Variants in ELAPOR2 observed in about 807,000 individuals in gnomAD.
The protein encoded by ELAPOR2 is endosome/lysosome-associated apoptosis and autophagy regulator family member 2.
A neutral mutation model predicts 120.7 loss-of-function variants in ELAPOR2; 89 were observed. That is an observed-to-expected ratio of 0.74 (90% CI 0.62 to 0.88). ELAPOR2 has a LOEUF of 0.88. ELAPOR2 is among the 40% of genes least tolerant of loss of function. ELAPOR2 has a pLI of 0.00. For synonymous variants in ELAPOR2, 444 were observed against 444.9 expected, an observed-to-expected ratio of 1.00 and a Z score of 0.03; for missense variants, 1,134 against 1,251.6, an observed-to-expected ratio of 0.91 and a Z score of 1.42.
intron 1 of ELAPOR2, among the ~76,000 whole-genome samples, chr7:87,058,886 C>T (rs913241628): frequency 6.6e-6 from 1 of 152,020 alleles, no homozygotes; most frequent in African/African-American, 2.4e-5. Flanking sequence ...TTTGCAGAGA[C>T]AGGGGAGTGG....
At chr7:86,987,517 C>T (rs1487965890) in intron 1 of ELAPOR2, among the ~76,000 whole-genome samples, 2 of 152,086 alleles carry the variant, frequency 1.3e-5, no homozygotes, top group South Asian at 2.1e-4. Flanking sequence ...ACAAACAACC[C>T]TATCGAAAAG....
chr7:87,043,304 A>G (rs990491894), intron 1 of ELAPOR2, among the ~76,000 whole-genome samples: 2 of 151,494 alleles, frequency 1.3e-5, no homozygotes, highest in Non-Finnish European at 2.9e-5. Context: ...CAGAGACACA[A>G]CAAAAAAAGA....
chr7:86,996,548 C>T (rs938485573), intron 1 of ELAPOR2, among the ~76,000 whole-genome samples: 2 of 152,110 alleles, frequency 1.3e-5, no homozygotes, highest in African/African-American at 2.4e-5. Flanking sequence ...TATCTTAAAA[C>T]GGAGATTGGA....
intron 10 of ELAPOR2, among the ~76,000 whole-genome samples, chr7:86,923,716 T>C (rs901220485): frequency 6.6e-6 from 1 of 152,114 alleles, no homozygotes; most frequent in African/African-American, 2.4e-5. Context: ...AATGATTGCA[T>C]AATATTTCAT....
At chr7:86,941,312 G>A (rs771600858) in intron 5 of ELAPOR2, 16 of 531,322 alleles carry the variant, frequency 3.0e-5, no homozygotes, top group Non-Finnish European at 1.5e-5. Context: ...ACTCCAAAGA[G>A]ATGGTGCCTC....
chr7:87,047,314 A>G (rs1006082999), intron 1 of ELAPOR2, among the ~76,000 whole-genome samples: 8 of 152,252 alleles, frequency 5.3e-5, no homozygotes, highest in Non-Finnish European at 1.0e-4. Flanking sequence ...AGCACAGACA[A>G]CCAAAGCAAA....
chr7:86,976,381 A>G (rs1277527779), intron 1 of ELAPOR2, among the ~76,000 whole-genome samples: 1 of 152,214 alleles, frequency 6.6e-6, no homozygotes, highest in Non-Finnish European at 1.5e-5. Flanking sequence ...TAGAGAAGAT[A>G]ATCCTCTGGT....
chr7:86,917,773 A>C (rs1406240349), intron 12 of ELAPOR2, among the ~76,000 whole-genome samples: 3 of 152,060 alleles, frequency 2.0e-5, no homozygotes, highest in African/African-American at 2.4e-5. Flanking sequence ...AAAACTGTTA[A>C]TAAACTGTTA....
At chr7:86,948,452 A>G (rs546124219) in intron 2 of ELAPOR2, among the ~76,000 whole-genome samples, 7 of 152,326 alleles carry the variant, frequency 4.6e-5, no homozygotes, top group African/African-American at 1.4e-4. Context: ...AACAAGGATC[A>G]TTATTTTTGG....
intron 13 of ELAPOR2, among the ~76,000 whole-genome samples, chr7:86,914,331 A>G (rs79317921): frequency 0.037 from 5,677 of 152,232 alleles, 362 homozygotes; most frequent in African/African-American, 0.13. Context: ...AAAAAATAAA[A>G]TGACACTAGT....
At chr7:86,919,183 G>C in intron 11 of ELAPOR2, 37 bp downstream of exon 11, 1 of 1,414,066 alleles carries the variant, frequency 7.1e-7, no homozygotes, top group Middle Eastern at 1.8e-4. Flanking sequence ...CAGGTGTAAG[G>C]ATTCTTACAG....
chr7:87,010,197 A>G (rs1198340503), intron 1 of ELAPOR2, among the ~76,000 whole-genome samples: 3 of 152,208 alleles, frequency 2.0e-5, no homozygotes, highest in African/African-American at 7.2e-5. Context: ...GAGAAAAACT[A>G]AAAGCAAAAT....
rs554539305 is a variant in ELAPOR2 at position 86,938,844 on chromosome 7, C to T, written c.964G>A (p.Glu322Lys). ...RNTYSEKGAK[E>K]CIRCKDDSQF... Reference sequence around the variant, plus strand: ...GAGTCGTCTTTACACCTTATACATTCTTTGGCTCCTTTCTCAGAATAGGTG... The same window carrying T: ...GAGTCGTCTTTACACCTTATACATTTTTTGGCTCCTTTCTCAGAATAGGTG... Residue 322 changes from glutamate (E) to lysine (K), a missense_variant, in exon 7 of 22, where the codon GAA becomes AAA. Around this residue, in one of 3 missense-constraint regions of ELAPOR2, gnomAD observed 831 missense variants for 867.6 expected, o/e 0.96. Coordinates refer to ENST00000450689, the MANE Select transcript of ELAPOR2 (RefSeq NM_001142749.3). The T allele has an allele frequency of 6.2e-7, 1 of 1,613,266 alleles. No homozygotes were observed. The highest frequency in any genetic ancestry group is 2.2e-5 in the East Asian group (1 of 44,852).
chr7:86,950,052 C>A (rs1791180403), intron 2 of ELAPOR2, among the ~76,000 whole-genome samples: 1 of 152,224 alleles, frequency 6.6e-6, no homozygotes, highest in African/African-American at 2.4e-5. Flanking sequence ...TCAGCACACA[C>A]TTCCTCCCTC....
At chr7:86,886,213 G>A (rs1358482699) in intron 21 of ELAPOR2, among the ~76,000 whole-genome samples, 1 of 152,100 alleles carries the variant, frequency 6.6e-6, no homozygotes, top group Non-Finnish European at 1.5e-5. Context: ...AATCTACCCA[G>A]CAGTTAAGGA....
At chr7:86,898,446 T>G (rs2115910282) in intron 18 of ELAPOR2, among the ~76,000 whole-genome samples, 1 of 151,524 alleles carries the variant, frequency 6.6e-6, no homozygotes, top group East Asian at 2.0e-4. Context: ...CCCACATCCC[T>G]GAATACTCTA....
chr7:86,912,052 C>T lies in ELAPOR2; in HGVS notation c.2169+20G>A, dbSNP rs781509940. The T allele has an allele frequency of 1.7e-5, 27 of 1,590,486 alleles. No individual in the cohort carries two copies. The highest frequency in any genetic ancestry group is 2.2e-5 in the Non-Finnish European group (26 of 1,161,508). On this transcript the variant is annotated intron_variant, in intron 15 of 21. Coordinates refer to ENST00000450689, the MANE Select transcript of ELAPOR2 (RefSeq NM_001142749.3). ...GGAGCTGAAATATAGGTCCATCTCA[C>T]CTTGACAGCCAGAACTCACCTCATG... is the stretch of plus-strand genomic sequence containing the variant.
intron 10 of ELAPOR2, among the ~76,000 whole-genome samples, chr7:86,924,579 AT>A: frequency 6.6e-6 from 1 of 151,454 alleles, no homozygotes; most frequent in East Asian, 1.9e-4. Flanking sequence ...CTCTCTGAGG[AT>A]TTTTTAAGTG....
Position 86,997,007 on chromosome 7 carries a change from T to G in ELAPOR2, c.190-31983A>C, listed in dbSNP as rs74419433. Among the ~76,000 whole-genome samples the G allele has an allele frequency of 2.1e-3, 325 of 152,340 alleles. 2 individuals are homozygous for G. Among genetic ancestry groups the G allele is most frequent in the African/African-American group, 7.3e-3 (302 of 41,578 alleles). On this transcript the variant is annotated intron_variant, in intron 1 of 21. Coordinates refer to ENST00000450689, the MANE Select transcript of ELAPOR2 (RefSeq NM_001142749.3). ...TCACAAATTTACCTGTAGGCAGTGT[T>G]TACTTTTATAAGGCTTCTAAAAATC...
Sources: allele counts gnomAD v4.1 joint callset (sites outside exome capture counted in the v4.1 genomes callset), GRCh38; gene constraint gnomAD v4.1.1; regional missense constraint gnomAD v4.1.1; transcripts MANE v1.5; gene names NCBI Gene and HGNC (gene_info 2026-07-23, HGNC 2026-07-21).